Variants in ROR1 observed in about 807,000 individuals in gnomAD.
ROR1 encodes the protein ROR family WNT receptor 1, also known as inactive tyrosine-protein kinase transmembrane receptor ROR1.
Under a neutral mutation model 78.8 loss-of-function variants are expected in ROR1, and 19 were observed. The observed-to-expected ratio is 0.24, with a 90% CI of 0.17 to 0.35. ROR1 has a LOEUF of 0.35. ROR1 is among the 10% of genes least tolerant of loss of function. The pLI is 1.00. For missense variants in ROR1, 917 were observed against 1,177.8 expected (o/e 0.78, Z 3.24); for synonymous variants, 386 against 433.6 (o/e 0.89, Z 1.36).
intron 4 of ROR1, among the ~76,000 whole-genome samples, chr1:64,072,451 G>A (rs1329976215): frequency 1.3e-5 from 2 of 152,118 alleles, no homozygotes; most frequent in Non-Finnish European, 1.5e-5. Context: ...AAGTGCCTTA[G>A]GTTTACTGCC....
At position 64,180,503 on chromosome 1, in the gene ROR1, T is replaced by C. The variant is rs531508072; in HGVS notation, c.*1648T>C. On this transcript the variant is annotated 3_prime_UTR_variant, in exon 9 of 9. Coordinates refer to ENST00000371079, the MANE Select transcript of ROR1 (RefSeq NM_005012.4). ...AAATGCATTGCAATTTTCCCAAACC[T>C]GAGTCTTCAAATAACAAACATGAAC... 95 of 152,338 alleles carry C rather than the reference T, an allele frequency of 6.2e-4. No homozygotes were observed. The highest frequency in any genetic ancestry group is 2.3e-3 in the African/African-American group (94 of 41,582). 9.4% of individuals were successfully genotyped at this position (152,338 alleles called of 1,614,324 possible). A position where few individuals can be genotyped will look rare whatever the true frequency, so the allele number is the denominator to read the frequency against.
rs1646466565 is a variant in ROR1 at position 64,010,439 on chromosome 1, G to C, written c.163+1063G>C. Among the ~76,000 whole-genome samples, 3 of 150,626 alleles carry C rather than the reference G, an allele frequency of 2.0e-5. No homozygotes were observed. In the South Asian group the frequency reaches 6.3e-4, roughly 31 times the overall value. ...TTTGTAGGAAATTCTCAATAAATGT[G>C]TGTGGAATGATGAGTCACATCTTAC... On this transcript the variant is annotated intron_variant, in intron 2 of 8. Coordinates refer to ENST00000371079, the MANE Select transcript of ROR1 (RefSeq NM_005012.4).
intron 1 of ROR1, among the ~76,000 whole-genome samples, chr1:63,831,064 A>T (rs964330524): frequency 6.6e-6 from 1 of 152,190 alleles, no homozygotes; most frequent in African/African-American, 2.4e-5. Context: ...TGGGCTCCCA[A>T]GGCCTTGGGA....
At chr1:63,891,062 T>C (rs1004000988) in intron 1 of ROR1, among the ~76,000 whole-genome samples, 2 of 152,178 alleles carry the variant, frequency 1.3e-5, no homozygotes, top group East Asian at 3.9e-4. Context: ...GGGCTCACCA[T>C]GAGTCAGGTA....
chr1:63,976,513 T>C (rs11801015), intron 1 of ROR1, among the ~76,000 whole-genome samples: 3,828 of 152,322 alleles, frequency 0.025, 166 homozygotes, highest in African/African-American at 0.088. Flanking sequence ...CACATCTTTC[T>C]AGTCCAGTGT....
intron 1 of ROR1, among the ~76,000 whole-genome samples, chr1:63,902,935 ATG>A (rs1468029271): frequency 6.6e-6 from 1 of 152,006 alleles, no homozygotes; most frequent in Non-Finnish European, 1.5e-5. Flanking sequence ...CCTCACGTCC[ATG>A]TTCTTGTTAG....
At chr1:63,999,084 G>C (rs111999610) in intron 1 of ROR1, among the ~76,000 whole-genome samples, 3 of 152,100 alleles carry the variant, frequency 2.0e-5, no homozygotes, top group Non-Finnish European at 2.9e-5. Flanking sequence ...TCCCAGTCTC[G>C]GGTATGTCTT....
At chr1:63,804,037 A>G (rs929832163) in intron 1 of ROR1, among the ~76,000 whole-genome samples, 2 of 152,202 alleles carry the variant, frequency 1.3e-5, no homozygotes, top group African/African-American at 2.4e-5. Flanking sequence ...GTAATCTCTA[A>G]AGGTTATATT....
rs11585874 is a variant in ROR1, at chr1:63,870,258, A to G, written c.91+95750A>G. 6.5e-3 allele frequency among the ~76,000 whole-genome samples: 984 copies of G among 152,282 alleles called. 7 individuals carry two copies. Among genetic ancestry groups the G allele is most frequent in the Admixed American group, 0.014 (216 of 15,300 alleles). ...TGCTCTCAAGTTTAATCATGTCTGC[A>G]TGCGGACATTTAGCTATCCTTAGAG... is the stretch of plus-strand genomic sequence containing the variant. On this transcript the variant is annotated intron_variant, in intron 1 of 8. Coordinates refer to ENST00000371079, the MANE Select transcript of ROR1 (RefSeq NM_005012.4).
intron 1 of ROR1, among the ~76,000 whole-genome samples, chr1:63,892,615 T>G (rs1196203883): frequency 6.6e-6 from 1 of 152,204 alleles, no homozygotes; most frequent in African/African-American, 2.4e-5. Flanking sequence ...CACTGAGGAC[T>G]GAAACCCAGT....
intron 1 of ROR1, among the ~76,000 whole-genome samples, chr1:63,914,075 G>GTGTTTT (rs56798932): frequency 0.82 from 123,186 of 151,114 alleles, 51,547 homozygotes; most frequent in East Asian, 0.99. Flanking sequence ...AGCCGCATTA[G>GTGTTTT]TGTTTTTGTT....
At chr1:63,800,632 A>T (rs1644791173) in intron 1 of ROR1, among the ~76,000 whole-genome samples, 1 of 152,344 alleles carries the variant, frequency 6.6e-6, no homozygotes, top group South Asian at 2.1e-4. Flanking sequence ...AGGTCTGAGT[A>T]CTGGCAGCAT....
intron 1 of ROR1, among the ~76,000 whole-genome samples, chr1:63,977,453 G>T (rs1269462156): frequency 1.3e-5 from 2 of 152,146 alleles, no homozygotes; most frequent in African/African-American, 4.8e-5. Flanking sequence ...TTGGGTTAGG[G>T]ATGCTCAACC....
At chr1:63,996,255 A>G (rs1249641629) in intron 1 of ROR1, among the ~76,000 whole-genome samples, 1 of 152,192 alleles carries the variant, frequency 6.6e-6, no homozygotes, top group Non-Finnish European at 1.5e-5. Flanking sequence ...TGGAACAGAT[A>G]AAATACTGTG....
chr1:63,907,097 T>A (rs989556489), intron 1 of ROR1, among the ~76,000 whole-genome samples: 75 of 152,306 alleles, frequency 4.9e-4, no homozygotes, highest in African/African-American at 1.8e-3. Flanking sequence ...ACTGCTTAGA[T>A]TATGGACAGC....
At chr1:64,133,396 A>T (rs1488352329) in intron 4 of ROR1, among the ~76,000 whole-genome samples, 1 of 152,194 alleles carries the variant, frequency 6.6e-6, no homozygotes, top group Non-Finnish European at 1.5e-5. Context: ...AGTGGTTCCT[A>T]GATGGGCACT....
intron 1 of ROR1, among the ~76,000 whole-genome samples, chr1:63,850,461 C>G (rs1205708903): frequency 6.6e-6 from 1 of 152,228 alleles, no homozygotes; most frequent in Admixed American, 6.5e-5. Context: ...CGGCCTTATG[C>G]CAGTGCGAGC....
intron 1 of ROR1, among the ~76,000 whole-genome samples, chr1:63,900,467 A>AT (rs1465628205): frequency 6.6e-6 from 1 of 151,414 alleles, no homozygotes; most frequent in African/African-American, 2.4e-5. Context: ...AAAAAAAAAA[A>AT]AAAGGAAAAG....
At chr1:64,148,960 G>A (rs1336248153) in intron 7 of ROR1, among the ~76,000 whole-genome samples, 1 of 152,120 alleles carries the variant, frequency 6.6e-6, no homozygotes, top group African/African-American at 2.4e-5. Context: ...CTGTGAACAA[G>A]CTAAATCAGA....
Sources: allele counts gnomAD v4.1 joint callset (sites outside exome capture counted in the v4.1 genomes callset), GRCh38; gene constraint gnomAD v4.1.1; transcripts MANE v1.5; gene names NCBI Gene and HGNC (gene_info 2026-07-23, HGNC 2026-07-21).